The following KIAA1217 variants were observed in gnomAD, a reference collection of about 807,000 sequenced individuals.
KIAA1217 encodes sickle tail protein homolog.
In KIAA1217, 88 loss-of-function variants were observed where a neutral mutation model predicts 163.9. The ratio of observed to expected loss-of-function variants is 0.54; its 90% CI spans 0.45 to 0.64. The LOEUF (loss-of-function observed/expected upper bound fraction) is 0.64, where lower values mean the gene tolerates loss of function less well. Ranked by LOEUF, KIAA1217 falls within the 30% of genes least tolerant of loss-of-function variation. The pLI, the probability that KIAA1217 is intolerant of heterozygous loss-of-function variation, is 0.00. For synonymous variants in KIAA1217, 903 were observed against 923.1 expected, an observed-to-expected ratio of 0.98 and a Z score of 0.39; for missense variants, 2,372 against 2,475.0, an observed-to-expected ratio of 0.96 and a Z score of 0.88.
intron 2 of KIAA1217, among the ~76,000 whole-genome samples, chr10:24,164,668 T>C (rs1438197620): frequency 6.6e-6 from 1 of 152,156 alleles, no homozygotes; most frequent in African/African-American, 2.4e-5. Context: ...TATTTTCTGT[T>C]CCCTTGGAAT....
intron 1 of KIAA1217, among the ~76,000 whole-genome samples, chr10:23,798,500 T>C (rs1836313880): frequency 6.6e-6 from 1 of 152,198 alleles, no homozygotes; most frequent in African/African-American, 2.4e-5. Context: ...TTAAAGAAGA[T>C]ATATCCCAAA....
chr10:24,364,212 C>G (rs2050432905), intron 2 of KIAA1217, among the ~76,000 whole-genome samples: 2 of 152,050 alleles, frequency 1.3e-5, no homozygotes, highest in Admixed American at 1.3e-4. Flanking sequence ...CTCCTGAGCT[C>G]AGGTGATCCA....
intron 3 of KIAA1217, among the ~76,000 whole-genome samples, chr10:24,395,531 GT>G: frequency 6.6e-6 from 1 of 152,302 alleles, no homozygotes; most frequent in South Asian, 2.1e-4. Flanking sequence ...CTTAAGGCCA[GT>G]GCACCTGAGA....
chr10:23,757,589 T>C (rs1373331879), intron 1 of KIAA1217, among the ~76,000 whole-genome samples: 1 of 152,056 alleles, frequency 6.6e-6, no homozygotes, highest in Non-Finnish European at 1.5e-5. Context: ...GTGATCTCAG[T>C]TCACTGCAAC....
chr10:24,068,104 G>A (rs568988518), intron 2 of KIAA1217, among the ~76,000 whole-genome samples: 2 of 152,334 alleles, frequency 1.3e-5, no homozygotes, highest in Non-Finnish European at 2.9e-5. Context: ...GTGAGGCGAT[G>A]CCTCGCCTTG....
intron 1 of KIAA1217, among the ~76,000 whole-genome samples, chr10:23,815,776 T>C (rs1459744614): frequency 2.6e-5 from 4 of 152,260 alleles, no homozygotes; most frequent in Non-Finnish European, 4.4e-5. Context: ...TTTGAGTGCA[T>C]TTTAAATGTT....
intron 2 of KIAA1217, among the ~76,000 whole-genome samples, chr10:24,025,612 C>T (rs1847909460): frequency 6.6e-6 from 1 of 151,566 alleles, no homozygotes; most frequent in African/African-American, 2.4e-5. Context: ...CAATTAAAAG[C>T]AAAACAATAA....
chr10:23,716,237 A>G (rs947587604), intron 1 of KIAA1217, among the ~76,000 whole-genome samples: 3 of 152,186 alleles, frequency 2.0e-5, no homozygotes, highest in Non-Finnish European at 4.4e-5. Context: ...TATGAAATAA[A>G]TGAACAATAG....
At chr10:23,820,943 C>T (rs1428776169) in intron 1 of KIAA1217, among the ~76,000 whole-genome samples, 1 of 152,072 alleles carries the variant, frequency 6.6e-6, no homozygotes, top group East Asian at 1.9e-4. Flanking sequence ...ATTCCATTTG[C>T]ATATTTAGGT....
upstream of KIAA1217, among the ~76,000 whole-genome samples, chr10:24,208,610 A>AT (rs11389034): frequency 0.88 from 132,858 of 150,770 alleles, 58,995 homozygotes; most frequent in African/African-American, 0.96. Flanking sequence ...ATTGTTTGGG[A>AT]TTTTTTTTTA....
In KIAA1217 at chr10:24,465,029, C is replaced by T. The variant is rs546557390; in HGVS notation, c.847-8199C>T. On this transcript the variant is annotated intron_variant, in intron 5 of 20. Coordinates refer to ENST00000376454, the MANE Select transcript of KIAA1217 (RefSeq NM_019590.5). ...TTGGAGGATGTGATAGGGGCGGCAT[C>T]GTGGCCTAATCAGACAAGGGGGACC... is the stretch of plus-strand genomic sequence containing the variant. Among the ~76,000 whole-genome samples, 4 of 152,280 alleles carry T rather than the reference C, an allele frequency of 2.6e-5. 1 individual carries two copies. The South Asian group carries it at 8.3e-4, about 32-fold the overall frequency.
chr10:23,811,658 C>T (rs1837060340), intron 1 of KIAA1217, among the ~76,000 whole-genome samples: 1 of 151,850 alleles, frequency 6.6e-6, no homozygotes. Context: ...CTGCACTCTT[C>T]CAAGCAAGAG....
At chr10:24,502,864 C>G (rs1556402) in intron 9 of KIAA1217, among the ~76,000 whole-genome samples, 45,726 of 151,916 alleles carry the variant, frequency 0.3, 7,183 homozygotes, top group Middle Eastern at 0.4. Context: ...GGGTGTGCCT[C>G]TAGTCCCAGC....
chr10:24,089,724 T>C (rs1417744125), intron 2 of KIAA1217, among the ~76,000 whole-genome samples: 2 of 151,754 alleles, frequency 1.3e-5, no homozygotes, highest in Non-Finnish European at 2.9e-5. Flanking sequence ...TGAAGTCAGG[T>C]AGCGTGACAA....
chr10:24,063,160 A>C (rs1368506106), intron 2 of KIAA1217, among the ~76,000 whole-genome samples: 6 of 151,876 alleles, frequency 4.0e-5, no homozygotes, highest in Non-Finnish European at 7.4e-5. Flanking sequence ...CCCATTTGTC[A>C]ATTTTGGCTT....
intron 2 of KIAA1217, among the ~76,000 whole-genome samples, chr10:24,276,950 G>T (rs1222303786): frequency 2.6e-5 from 4 of 151,860 alleles, no homozygotes; most frequent in African/African-American, 7.3e-5. Context: ...GTAGAGATGG[G>T]GTCTCCCCGT....
intron 1 of KIAA1217, among the ~76,000 whole-genome samples, chr10:23,949,769 A>G (rs2131351980): frequency 6.6e-6 from 1 of 152,310 alleles, no homozygotes; most frequent in African/African-American, 2.4e-5. Context: ...AGTGAGAAAT[A>G]TTGAGGTGAG....
At chr10:23,848,157 G>A (rs1022776318) in intron 1 of KIAA1217, among the ~76,000 whole-genome samples, 1 of 152,092 alleles carries the variant, frequency 6.6e-6, no homozygotes, top group East Asian at 1.9e-4. Context: ...TAGAATAAGT[G>A]TGATGAGGTG....
At chr10:24,039,522 T>G (rs1373763174) in intron 2 of KIAA1217, among the ~76,000 whole-genome samples, 1 of 152,172 alleles carries the variant, frequency 6.6e-6, no homozygotes, top group African/African-American at 2.4e-5. Flanking sequence ...TATAGTGTTT[T>G]GTGTGGCCAG....
Sources: allele counts gnomAD v4.1 joint callset (sites outside exome capture counted in the v4.1 genomes callset), GRCh38; gene constraint gnomAD v4.1.1; transcripts MANE v1.5; gene names NCBI Gene and HGNC (gene_info 2026-07-23, HGNC 2026-07-21).